The following FSTL4 variants were observed in gnomAD, a reference collection of about 807,000 sequenced individuals.
The protein encoded by FSTL4 is follistatin-related protein 4.
A neutral mutation model predicts 78.2 loss-of-function variants in FSTL4; 28 were observed. The observed-to-expected ratio is 0.36, with a 90% CI of 0.27 to 0.49. The LOEUF (loss-of-function observed/expected upper bound fraction) is 0.49, where lower values mean the gene tolerates loss of function less well. Ranked by LOEUF, FSTL4 falls within the 20% of genes least tolerant of loss-of-function variation. The pLI, the probability that FSTL4 is intolerant of heterozygous loss-of-function variation, is 0.98. For synonymous variants in FSTL4, 422 were observed against 440.5 expected, an observed-to-expected ratio of 0.96 and a Z score of 0.53; for missense variants, 922 against 1,084.9, an observed-to-expected ratio of 0.85 and a Z score of 2.11.
chr5:133,837,387 G>A, the FSTL4 span, among the ~76,000 whole-genome samples: 2 of 152,112 alleles, frequency 1.3e-5, no homozygotes, highest in Non-Finnish European at 2.9e-5. Flanking sequence ...CAGGCTTCCT[G>A]TAAGTCTATT....
chr5:133,498,864 T>C (rs1758427186), intron 3 of FSTL4, among the ~76,000 whole-genome samples: 2 of 152,274 alleles, frequency 1.3e-5, no homozygotes, highest in Non-Finnish European at 2.9e-5. Flanking sequence ...TGCTGGGGCC[T>C]GTCTTCTGTG....
intron 5 of FSTL4, among the ~76,000 whole-genome samples, chr5:133,315,673 T>C (rs1005275568): frequency 6.1e-4 from 93 of 152,136 alleles, no homozygotes; most frequent in African/African-American, 2.1e-3. Flanking sequence ...CTTGCAGATC[T>C]TGTACCTGCC....
At chr5:133,555,317 A>G (rs1186177485) in intron 3 of FSTL4, among the ~76,000 whole-genome samples, 1 of 152,178 alleles carries the variant, frequency 6.6e-6, no homozygotes, top group Admixed American at 6.5e-5. Flanking sequence ...TAATTTGAAA[A>G]CTTCTGCCAT....
At chr5:133,217,421 T>C (rs1750946564) in intron 12 of FSTL4, 43 bp from the exon 13 acceptor site, 1 of 1,588,468 alleles carries the variant, frequency 6.3e-7, no homozygotes, top group South Asian at 1.1e-5. Context: ...TAATTGCCCT[T>C]TCCCTCCAAC....
chr5:133,747,161 T>C, the FSTL4 span, among the ~76,000 whole-genome samples: 1 of 152,162 alleles, frequency 6.6e-6, no homozygotes, highest in African/African-American at 2.4e-5. Flanking sequence ...CCTACTTTGG[T>C]GCCTGGGACC....
intron 4 of FSTL4, among the ~76,000 whole-genome samples, chr5:133,336,355 C>T (rs967557136): frequency 3.9e-5 from 6 of 152,194 alleles, no homozygotes; most frequent in African/African-American, 7.2e-5. Flanking sequence ...GAGAAGGGGG[C>T]GAGGCTCGAG....
chr5:133,774,865 A>G, the FSTL4 span, among the ~76,000 whole-genome samples: 2 of 152,208 alleles, frequency 1.3e-5, no homozygotes, highest in Admixed American at 1.3e-4. Flanking sequence ...TTTTAGCAAG[A>G]CATGCATGCC....
intron 6 of FSTL4, among the ~76,000 whole-genome samples, chr5:133,282,173 A>G (rs1409227968): frequency 6.6e-6 from 1 of 152,096 alleles, no homozygotes; most frequent in Non-Finnish European, 1.5e-5. Flanking sequence ...ACTTGAACTG[A>G]GTCTTAAAGG....
At chr5:133,689,803 T>C in the FSTL4 span, among the ~76,000 whole-genome samples, 2 of 152,188 alleles carry the variant, frequency 1.3e-5, no homozygotes, top group Non-Finnish European at 2.9e-5. Flanking sequence ...GGCTCACGCC[T>C]GTAATCCCAG....
chr5:133,669,826 C>A, the FSTL4 span, among the ~76,000 whole-genome samples: 3 of 152,216 alleles, frequency 2.0e-5, no homozygotes, highest in Non-Finnish European at 4.4e-5. Context: ...ATGCCCTAGG[C>A]TAACCTCCCC....
chr5:133,572,537 A>C (rs542756879), intron 2 of FSTL4, among the ~76,000 whole-genome samples: 1 of 152,354 alleles, frequency 6.6e-6, no homozygotes, highest in South Asian at 2.1e-4. Context: ...GCAATACTTT[A>C]TAGCGAACTT....
At chr5:133,296,803 G>A (rs1753407193) in intron 6 of FSTL4, among the ~76,000 whole-genome samples, 1 of 152,238 alleles carries the variant, frequency 6.6e-6, no homozygotes, top group Non-Finnish European at 1.5e-5. Flanking sequence ...TTCCGTGAGG[G>A]CAAGAGTTTT....
At chr5:133,209,150 A>C (rs2126769862) in intron 14 of FSTL4, among the ~76,000 whole-genome samples, 1 of 152,048 alleles carries the variant, frequency 6.6e-6, no homozygotes, top group East Asian at 1.9e-4. Flanking sequence ...AGGCTCTCTG[A>C]TAGGTTATTA....
intron 3 of FSTL4, among the ~76,000 whole-genome samples, chr5:133,474,720 G>C (rs935779802): frequency 1.3e-5 from 2 of 152,100 alleles, no homozygotes; most frequent in Admixed American, 6.5e-5. Flanking sequence ...CGAGCACCAG[G>C]GTCAGTGGAA....
At chr5:133,494,777 G>C (rs763992776) in intron 3 of FSTL4, among the ~76,000 whole-genome samples, 1 of 152,188 alleles carries the variant, frequency 6.6e-6, no homozygotes, top group African/African-American at 2.4e-5. Context: ...CCTGTGGCCC[G>C]GGTGTGCTGA....
the FSTL4 span, among the ~76,000 whole-genome samples, chr5:133,782,938 C>T: frequency 1.3e-5 from 2 of 152,214 alleles, no homozygotes; most frequent in East Asian, 3.8e-4. Flanking sequence ...CTACTTTCCT[C>T]TGTCAGGGAC....
intron 3 of FSTL4, among the ~76,000 whole-genome samples, chr5:133,454,958 C>T (rs1189341483): frequency 6.6e-6 from 1 of 152,194 alleles, no homozygotes; most frequent in Non-Finnish European, 1.5e-5. Flanking sequence ...ACTGAGATCG[C>T]CTTGAGGGCA....
rs146623099 is a variant in FSTL4, at chr5:133,539,460, T to G, written c.160+27726A>C. On this transcript the variant is annotated intron_variant, in intron 3 of 15. Transcript: ENST00000265342. The stretch of plus-strand genomic sequence containing the variant: ...CACCATTCCTCTGAATCTGAAGACC[T>G]GTAAACACTCACTCCACAGGCCCAT... Among the ~76,000 whole-genome samples the G allele has an allele frequency of 5.4e-4, 82 of 152,264 alleles. 1 individual carries two copies. The East Asian group carries it at 0.011, about 20-fold the overall frequency.
intron 6 of FSTL4, among the ~76,000 whole-genome samples, chr5:133,286,727 G>A (rs915156484): frequency 3.3e-5 from 5 of 152,164 alleles, no homozygotes; most frequent in African/African-American, 1.2e-4. Context: ...CTGGCCCACA[G>A]TGGACTGCAA....
Sources: gnomAD v4.1 joint callset for allele counts (sites outside exome capture counted in the v4.1 genomes callset) on GRCh38, gnomAD v4.1.1 for gene constraint, MANE v1.5 for transcripts, NCBI Gene and HGNC (gene_info 2026-07-23, HGNC 2026-07-21) for gene names.